ADGRV1: variants seen among roughly 807,000 people sequenced by gnomAD.
ADGRV1 encodes G-protein coupled receptor 98.
ADGRV1 carries 359 observed loss-of-function variants against 596.2 expected under a neutral mutation model. The observed-to-expected ratio is 0.60, with a 90% CI of 0.55 to 0.66. The LOEUF is 0.66. Among genes scored for constraint, ADGRV1 ranks in the 30% least tolerant of loss-of-function variants. The pLI is 0.00. For missense variants in ADGRV1, 7,274 were observed against 7,575.6 expected (o/e 0.96, Z 1.48); for synonymous variants, 2,681 against 2,679.2 (o/e 1.00, Z -0.02).
intron 85 of ADGRV1, among the ~76,000 whole-genome samples, chr5:90,988,747 C>A (rs1467679269): frequency 6.6e-6 from 1 of 151,468 alleles, no homozygotes; most frequent in East Asian, 1.9e-4. Context: ...CCCATTAACT[C>A]GTCATTTAAA....
intron 83 of ADGRV1, among the ~76,000 whole-genome samples, chr5:90,919,312 C>T (rs1481918369): frequency 2.0e-5 from 3 of 152,086 alleles, no homozygotes; most frequent in African/African-American, 7.2e-5. Context: ...CTTGCCCGAT[C>T]ATAAAAGCAA....
intron 86 of ADGRV1, among the ~76,000 whole-genome samples, chr5:91,090,451 C>T (rs749216463): frequency 1.3e-5 from 2 of 151,906 alleles, no homozygotes; most frequent in Admixed American, 1.3e-4. Flanking sequence ...TCAAAGTAGA[C>T]CTGACACTGG....
chr5:90,642,951 A>G lies in ADGRV1; in HGVS notation c.2463A>G (p.Glu821=), dbSNP rs370418922. 1.9e-6 allele frequency: 3 copies of G among 1,613,656 alleles called. No homozygotes were observed. Among genetic ancestry groups the G allele is most frequent in the Non-Finnish European group, 2.5e-6 (3 of 1,179,640 alleles). The change falls in exon 13 of 90, where the codon GAA becomes GAG. Residue 821 remains glutamate (E), a synonymous_variant. Coordinates refer to ENST00000405460, the MANE Select transcript of ADGRV1 (RefSeq NM_032119.4). ...HYRVEPRDSN[E]FYGNTGVLEF... The stretch of plus-strand genomic sequence containing the variant: ...GAGTAGAGCCAAGAGATAGCAATGA[A>G]TTCTATGGAAACACGGGAGTACTAG...
Position 90,729,326 on chromosome 5 carries a change from G to C in ADGRV1, c.10427-316G>C, listed in dbSNP as rs151222716. Among the ~76,000 whole-genome samples, 1,263 of 152,130 alleles carry C rather than the reference G, an allele frequency of 8.3e-3. 9 individuals are homozygous for C. The highest frequency in any genetic ancestry group is 0.012 in the Non-Finnish European group (845 of 67,986). ...ATAAGACTCTTTCAGAATATTCTTG[G>C]AAGGAAAATTTGCTTTCTGCTGCTG... On this transcript the variant is annotated intron_variant, in intron 49 of 89. Coordinates refer to ENST00000405460, the MANE Select transcript of ADGRV1 (RefSeq NM_032119.4).
chr5:90,679,511 G>A (rs1469043789), intron 25 of ADGRV1, 38 bp from the exon 26 acceptor site: 2 of 1,452,382 alleles, frequency 1.4e-6, no homozygotes, highest in African/African-American at 1.4e-5. Flanking sequence ...GTGTCAATGT[G>A]TGTTGTGTGG....
chr5:91,091,129 A>G (rs1248039662), intron 86 of ADGRV1, among the ~76,000 whole-genome samples: 1 of 152,180 alleles, frequency 6.6e-6, no homozygotes, highest in African/African-American at 2.4e-5. Context: ...TCTGGGAAGC[A>G]TTCAATGCTT....
Position 90,965,403 on chromosome 5 carries a change from T to G in ADGRV1, c.17857-12T>G, listed in dbSNP as rs1401093748. ...AGCATATTTTAAAAATAGAAGTATC[T>G]GTTTCTTACAGATTCTGTTTCTGGC... On this transcript the variant is annotated splice_polypyrimidine_tract_variant and intron_variant, in intron 83 of 89. Coordinates refer to ENST00000405460, the MANE Select transcript of ADGRV1 (RefSeq NM_032119.4). 6.6e-7 allele frequency: 1 copy of G among 1,517,822 alleles called. No homozygotes were observed. Among genetic ancestry groups the G allele is most frequent in the Non-Finnish European group, 9.2e-7 (1 of 1,092,290 alleles). 94.0% of individuals were successfully genotyped at this position (1,517,822 alleles called of 1,614,324 possible).
At chr5:90,933,641 T>C (rs552332802) in intron 83 of ADGRV1, among the ~76,000 whole-genome samples, 1 of 152,306 alleles carries the variant, frequency 6.6e-6, no homozygotes, top group South Asian at 2.1e-4. Context: ...AGAGAATCTC[T>C]CTAACTTTTG....
intron 75 of ADGRV1, among the ~76,000 whole-genome samples, chr5:90,822,886 A>T (rs899044111): frequency 1.3e-5 from 2 of 151,992 alleles, no homozygotes; most frequent in Non-Finnish European, 2.9e-5. Context: ...ATTCTCTTTG[A>T]AGCAATTGTG....
chr5:91,093,447 G>A (rs1362488635), intron 86 of ADGRV1, among the ~76,000 whole-genome samples: 4 of 152,224 alleles, frequency 2.6e-5, no homozygotes, highest in African/African-American at 9.6e-5. Flanking sequence ...AAGAGCAGCA[G>A]TAAAAAGCAG....
chr5:90,565,976 A>C (rs1347386663), intron 1 of ADGRV1, among the ~76,000 whole-genome samples: 1 of 152,036 alleles, frequency 6.6e-6, no homozygotes, highest in Non-Finnish European at 1.5e-5. Flanking sequence ...AGAAATTTCT[A>C]TTCAGGTTTT....
chr5:90,757,135 G>A lies in ADGRV1; in HGVS notation c.11914G>A (p.Gly3972Arg), dbSNP rs1755915374. 1.9e-6 allele frequency: 3 copies of A among 1,613,836 alleles called. No homozygotes were observed. Among genetic ancestry groups the A allele is most frequent in the Non-Finnish European group, 2.5e-6 (3 of 1,179,806 alleles). Residue 3972 changes from glycine to arginine, a missense_variant, in exon 57 of 90, where the codon GGG becomes AGG. Coordinates refer to ENST00000405460, the MANE Select transcript of ADGRV1 (RefSeq NM_032119.4). Reference protein sequence around the residue: ...AGLEDFKPSHGILEFADKQVT... With the variant: ...AGLEDFKPSHRILEFADKQVT... ...CCTGGAAGACTTTAAACCATCTCAT[G>A]GGATTCTTGAATTTGCAGATAAACA...
intron 83 of ADGRV1, among the ~76,000 whole-genome samples, chr5:90,925,694 AT>A (rs1400582282): frequency 7.0e-6 from 1 of 143,090 alleles, no homozygotes. Flanking sequence ...GAGAGAGGGC[AT>A]CCCTGTCTTA....
At chr5:90,567,774 C>A (rs1320929800) in intron 1 of ADGRV1, among the ~76,000 whole-genome samples, 1 of 150,780 alleles carries the variant, frequency 6.6e-6, no homozygotes, top group African/African-American at 2.4e-5. Context: ...TGGTCTGTTA[C>A]CCCGGCGGGA....
At position 91,072,032 on chromosome 5, in the gene ADGRV1, A is replaced by G. The variant is rs565659552; in HGVS notation, c.18153-415A>G. Among the ~76,000 whole-genome samples the G allele has an allele frequency of 3.3e-5, 5 of 152,252 alleles. No homozygotes were observed. In the East Asian group the frequency reaches 9.7e-4, roughly 29 times the overall value. ...TTCAGAGAAGTTAAAAAGTATATCTAAAGTGACTCTTTTTTTTTAAGATGT... is the reference window on the plus strand; with the variant it reads ...TTCAGAGAAGTTAAAAAGTATATCTGAAGTGACTCTTTTTTTTTAAGATGT... On this transcript the variant is annotated intron_variant, in intron 85 of 89. Coordinates refer to ENST00000405460, the MANE Select transcript of ADGRV1 (RefSeq NM_032119.4).
intron 11 of ADGRV1, 27 bp from the exon 12 acceptor site, chr5:90,642,609 T>C (rs769541212): frequency 1.9e-6 from 3 of 1,604,378 alleles, no homozygotes; most frequent in South Asian, 2.3e-5. Flanking sequence ...AAGTAGCGGG[T>C]GCCATTTGTC....
At chr5:90,863,704 G>T in intron 82 of ADGRV1, 53 bp from the exon 83 acceptor site, 2 of 1,329,256 alleles carry the variant, frequency 1.5e-6, no homozygotes, top group Non-Finnish European at 2.2e-6. Context: ...CTATGATGCT[G>T]TTAGAATCTT....
chr5:90,853,617 A>G, intron 80 of ADGRV1, 84 bp downstream of exon 80: 1 of 1,353,178 alleles, frequency 7.4e-7, no homozygotes, highest in Non-Finnish European at 1.0e-6. Flanking sequence ...TTGTTTGATC[A>G]CAGTTTTGGT....
chr5:91,109,536 C>T (rs1312812608), intron 87 of ADGRV1, among the ~76,000 whole-genome samples: 1 of 152,082 alleles, frequency 6.6e-6, no homozygotes, highest in Non-Finnish European at 1.5e-5. Context: ...TTCCAAAGGC[C>T]TTGGGGTTCT....
Sources: gnomAD v4.1 joint callset for allele counts (sites outside exome capture counted in the v4.1 genomes callset) on GRCh38, gnomAD v4.1.1 for gene constraint, MANE v1.5 for transcripts, NCBI Gene and HGNC (gene_info 2026-07-23, HGNC 2026-07-21) for gene names.